Variants in PCDHGB7 observed in about 807,000 individuals in gnomAD.
PCDHGB7 encodes the protein protocadherin gamma-B7.
In PCDHGB7, 37 loss-of-function variants were observed where a neutral mutation model predicts 61.4. The ratio of observed to expected loss-of-function variants is 0.60; its 90% CI spans 0.46 to 0.79. The LOEUF (loss-of-function observed/expected upper bound fraction) is 0.79, where lower values mean the gene tolerates loss of function less well. Ranked by LOEUF, PCDHGB7 falls within the 30% of genes least tolerant of loss-of-function variation. PCDHGB7 has a pLI of 0.00. For missense variants in PCDHGB7, 1,166 were observed against 1,202.5 expected, an observed-to-expected ratio of 0.97 and a Z score of 0.45; for synonymous variants, 464 against 503.5, an observed-to-expected ratio of 0.92 and a Z score of 1.05.
At chr5:141,433,082 T>C in intron 1 of PCDHGB7, 1 of 1,614,188 alleles carries the variant, frequency 6.2e-7, no homozygotes. Flanking sequence ...CCAGCCCAAC[T>C]ATGCAGACAT....
At chr5:141,478,019 C>T in intron 1 of PCDHGB7, 1 of 1,614,136 alleles carries the variant, frequency 6.2e-7, no homozygotes, top group Non-Finnish European at 8.5e-7. Flanking sequence ...CCGTCCAGTC[C>T]AAGACACAGA....
At chr5:141,508,096 G>A (rs1489615862) in intron 3 of PCDHGB7, 1 of 152,476 alleles carries the variant, frequency 6.6e-6, no homozygotes, top group African/African-American at 2.4e-5. Context: ...CCTTGGCCCT[G>A]GGATGGGGTA....
intron 3 of PCDHGB7, among the ~76,000 whole-genome samples, chr5:141,509,066 C>A (rs1215686419): frequency 6.6e-6 from 1 of 152,172 alleles, no homozygotes; most frequent in Non-Finnish European, 1.5e-5. Context: ...GCTCTCAGCT[C>A]CGGGGATTTG....
chr5:141,427,887 C>G, intron 1 of PCDHGB7: 1 of 1,565,908 alleles, frequency 6.4e-7, no homozygotes, highest in South Asian at 1.1e-5. Flanking sequence ...GGCCCACGAC[C>G]AGGGCTCGCC....
In PCDHGB7 at chr5:141,477,211, C is replaced by T. The variant is rs1282763530; in HGVS notation, c.2416-17596C>T. On this transcript the variant is annotated intron_variant, in intron 1 of 3. Coordinates refer to ENST00000398594, the MANE Select transcript of PCDHGB7 (RefSeq NM_018927.4). The surrounding 1 kb of genome is among the most constrained non-coding windows in gnomAD (Gnocchi z 4.9). ...TGTACAGCCCAGTACCCGAGGATGC[C>T]CCTCTGGGGACTGTCATCGCTTTGC... 2 of 1,614,154 alleles carry T rather than the reference C, an allele frequency of 1.2e-6. No individual in the cohort carries two copies. Among genetic ancestry groups the T allele is most frequent in the East Asian group, 4.5e-5 (2 of 44,870 alleles).
At chr5:141,455,360 A>C (rs2098820130) in intron 1 of PCDHGB7, among the ~76,000 whole-genome samples, 1 of 152,112 alleles carries the variant, frequency 6.6e-6, no homozygotes, top group Non-Finnish European at 1.5e-5. Context: ...TTAATAGGCA[A>C]GAAGGAAGGG....
rs922804811 is a variant in PCDHGB7 at position 141,432,794 on chromosome 5, G to A, written c.2415+12520G>A. On this transcript the variant is annotated intron_variant, in intron 1 of 3. Coordinates refer to ENST00000398594, the MANE Select transcript of PCDHGB7 (RefSeq NM_018927.4). This position sits in a 1 kb window ranked among gnomAD's most constrained non-coding sequence, Gnocchi z 6.0. ...AGTCCTGGCGGACCTCGGCAGCCTC[G>A]AGTCTCCAGCTAACTCTGAAACCTC... The A allele has an allele frequency of 3.7e-6, 6 of 1,614,138 alleles. No homozygotes were observed. Among genetic ancestry groups the A allele is most frequent in the Non-Finnish European group, 5.1e-6 (6 of 1,180,000 alleles).
chr5:141,431,435 GC>G lies in PCDHGB7; in HGVS notation c.2415+11162del. On this transcript the variant is annotated intron_variant, in intron 1 of 3. Coordinates refer to ENST00000398594, the MANE Select transcript of PCDHGB7 (RefSeq NM_018927.4). The surrounding 1 kb of genome is among the most constrained non-coding windows in gnomAD (Gnocchi z 4.8). The stretch of plus-strand genomic sequence containing the variant: ...GGGCGACCCGGTGCGCACAGGCACC[GC>G]GCGCATCCGCGTGATGGTTCTGGAT... 1.9e-6 allele frequency: 3 copies of G among 1,613,668 alleles called. No individual in the cohort carries two copies. The highest frequency in any genetic ancestry group is 2.5e-6 in the Non-Finnish European group (3 of 1,180,026).
chr5:141,502,468 C>A (rs1007796183), intron 2 of PCDHGB7, among the ~76,000 whole-genome samples: 6 of 151,190 alleles, frequency 4.0e-5, no homozygotes, highest in Non-Finnish European at 8.8e-5. Flanking sequence ...GGAATACTTC[C>A]CGCAGCATCA....
chr5:141,502,655 C>T (rs72790073), intron 2 of PCDHGB7, among the ~76,000 whole-genome samples: 29,437 of 152,034 alleles, frequency 0.19, 2,877 homozygotes, highest in Middle Eastern at 0.24. Context: ...AGGCAGCAAC[C>T]CTTCATGCAA....
intron 1 of PCDHGB7, chr5:141,478,291 C>T: frequency 1.9e-6 from 3 of 1,614,144 alleles, no homozygotes; most frequent in East Asian, 2.2e-5. Context: ...AGTCTAGAGA[C>T]CTATACCGAG....
intron 1 of PCDHGB7, among the ~76,000 whole-genome samples, chr5:141,474,165 A>G (rs1444314307): frequency 6.6e-6 from 1 of 152,234 alleles, no homozygotes; most frequent in Non-Finnish European, 1.5e-5. Context: ...GACAGGCCTT[A>G]TTATTGAGAA....
chr5:141,421,904 C>T (rs1561797509), intron 1 of PCDHGB7: 1 of 1,613,734 alleles, frequency 6.2e-7, no homozygotes, highest in Admixed American at 1.7e-5. Flanking sequence ...CGAAAGGGCG[C>T]AGTTCCCATT....
At chr5:141,430,573 A>C (rs938248057) in intron 1 of PCDHGB7, 8 of 448,940 alleles carry the variant, frequency 1.8e-5, no homozygotes, top group Non-Finnish European at 3.0e-5. Context: ...AGAAAAGCGG[A>C]GATCCTGCTC....
chr5:141,436,040 C>T (rs989038133), intron 1 of PCDHGB7, among the ~76,000 whole-genome samples: 1 of 152,060 alleles, frequency 6.6e-6, no homozygotes, highest in African/African-American at 2.4e-5. Context: ...TTTGTATTTA[C>T]ATTAGTTTTC....
At chr5:141,428,750 C>G (rs1282306626) in intron 1 of PCDHGB7, 1 of 154,730 alleles carries the variant, frequency 6.5e-6, no homozygotes, top group African/African-American at 2.4e-5. Flanking sequence ...ACTATTGCTT[C>G]AGGTTTGTTT....
At chr5:141,426,374 C>G (rs908991939) in intron 1 of PCDHGB7, 2 of 219,094 alleles carry the variant, frequency 9.1e-6, no homozygotes, top group East Asian at 1.0e-4. Flanking sequence ...GGGGCACCCT[C>G]GGAGCAGATC....
intron 1 of PCDHGB7, among the ~76,000 whole-genome samples, chr5:141,451,498 C>A (rs2098717552): frequency 6.6e-6 from 1 of 152,208 alleles, no homozygotes; most frequent in South Asian, 2.1e-4. Flanking sequence ...CTCCATAGGG[C>A]AACCAGCTTC....
chr5:141,452,364 A>G (rs1330623001), intron 1 of PCDHGB7, among the ~76,000 whole-genome samples: 1 of 152,188 alleles, frequency 6.6e-6, no homozygotes, highest in African/African-American at 2.4e-5. Flanking sequence ...GCCTTGCTTC[A>G]TTTTAGTAGG....
Sources: gnomAD v4.1 joint callset for allele counts (sites outside exome capture counted in the v4.1 genomes callset) on GRCh38, gnomAD v4.1.1 for gene constraint, Gnocchi (gnomAD v3.1) non-coding constraint, MANE v1.5 for transcripts, NCBI Gene and HGNC (gene_info 2026-07-23, HGNC 2026-07-21) for gene names.